The following LYST variants were observed in gnomAD, a reference collection of about 807,000 sequenced individuals.
The protein encoded by LYST is lysosomal-trafficking regulator.
In LYST, 192 loss-of-function variants were observed where a neutral mutation model predicts 413.6. The observed-to-expected ratio is 0.46, with a 90% confidence interval of 0.41 to 0.52. LYST has a LOEUF of 0.52. LYST is among the 20% of genes least tolerant of loss of function. The pLI is 0.00. For missense variants in LYST, 3,815 were observed against 4,499.9 expected, an observed-to-expected ratio of 0.85 and a Z score of 4.35; for synonymous variants, 1,525 against 1,567.3, an observed-to-expected ratio of 0.97 and a Z score of 0.64.
At chr1:235,663,242 A>G (rs1658176483) in intron 52 of LYST, among the ~76,000 whole-genome samples, 164 bp from the exon 53 acceptor site, 1 of 152,228 alleles carries the variant, frequency 6.6e-6, no homozygotes, top group Admixed American at 6.5e-5. Context: ...TGTAATTCTA[A>G]CATAGTCACT....
intron 5 of LYST, 91 bp downstream of exon 5, chr1:235,808,364 C>T: frequency 8.2e-7 from 1 of 1,214,184 alleles, no homozygotes; most frequent in Non-Finnish European, 1.2e-6. Flanking sequence ...TAAATGCATA[C>T]AATTTATCAC....
chr1:235,696,006 T>C (rs1661075196), intron 46 of LYST, among the ~76,000 whole-genome samples: 1 of 152,174 alleles, frequency 6.6e-6, no homozygotes, highest in South Asian at 2.1e-4. Flanking sequence ...GTAAATTACT[T>C]GTAAATTGCC....
intron 35 of LYST, 43 bp from the exon 36 acceptor site, chr1:235,730,986 T>C (rs776835005): frequency 1.9e-6 from 3 of 1,607,362 alleles, no homozygotes; most frequent in East Asian, 4.5e-5. Flanking sequence ...CTAATGACCA[T>C]AGTTCTCTGC....
chr1:235,727,008 T>C (rs2103188967), intron 38 of LYST, among the ~76,000 whole-genome samples: 1 of 152,344 alleles, frequency 6.6e-6, no homozygotes, highest in Non-Finnish European at 1.5e-5. Context: ...AATTGCTATA[T>C]AAATGAGAAA....
intron 1 of LYST, among the ~76,000 whole-genome samples, chr1:235,881,317 G>C (rs1342238929): frequency 6.6e-6 from 1 of 152,200 alleles, no homozygotes; most frequent in African/African-American, 2.4e-5. Flanking sequence ...GTTCTTTGCA[G>C]AGTCTTTGCT....
chr1:235,748,443 ATAGAT>A lies in LYST; in HGVS notation c.7781-1921_7781-1917del, dbSNP rs1030070819. Among the ~76,000 whole-genome samples, 120 of 152,316 alleles carry A rather than the reference ATAGAT, an allele frequency of 7.9e-4. 1 individual carries two copies. The highest frequency in any genetic ancestry group is 2.8e-3 in the African/African-American group (115 of 41,572). On this transcript the variant is annotated intron_variant, in intron 28 of 52. Transcript: ENST00000389793. Reference sequence around the variant, plus strand: ...ACAGAAGATTATCCACATCAAAATAATAGATTATTTTGTAATCATTAAAAATAAAA... The same window carrying A: ...ACAGAAGATTATCCACATCAAAATAATATTTTGTAATCATTAAAAATAAAA...
chr1:235,699,726 C>A (rs1431485423), intron 45 of LYST, among the ~76,000 whole-genome samples: 1 of 152,212 alleles, frequency 6.6e-6, no homozygotes, highest in Non-Finnish European at 1.5e-5. Flanking sequence ...TTCTCCACAG[C>A]CTCACCAGCA....
intron 1 of LYST, chr1:235,840,036 A>G (rs1272342997): frequency 6.6e-6 from 1 of 152,084 alleles, no homozygotes; most frequent in Non-Finnish European, 1.5e-5. Flanking sequence ...CTGTACTCCA[A>G]TTCTCTATAT....
At position 235,758,998 on chromosome 1, in the gene LYST, A is replaced by G. The variant is rs761261371; in HGVS notation, c.6855T>C (p.Asn2285=). 21 of 1,613,968 alleles carry G rather than the reference A, an allele frequency of 1.3e-5. No individual in the cohort carries two copies. In the African/African-American group the frequency reaches 2.7e-4, roughly 21 times the overall value. The change falls in exon 23 of 53, where the codon AAT becomes AAC. Residue 2285 remains asparagine (N), a synonymous_variant. Transcript: ENST00000389793. ...TGTGAGCACTTGCAGTTCGGTTGTA[A>G]TTTGGCTCATAACCAAGAGAATAGG... The part of the protein sequence containing the change: ...NFAYSLGYEP[N]YNRTASAHSV...
chr1:235,737,953 G>GTATCATTAAA, intron 31 of LYST: 5 of 1,258,702 alleles, frequency 4.0e-6, no homozygotes, highest in Middle Eastern at 3.2e-4. Context: ...AACACCCGCC[G>GTATCATTAAA]GACGTGCATT....
intron 46 of LYST, among the ~76,000 whole-genome samples, chr1:235,695,423 C>T (rs1039048026): frequency 1.3e-5 from 2 of 152,150 alleles, no homozygotes; most frequent in African/African-American, 2.4e-5. Flanking sequence ...TACCCAGGTT[C>T]TGACAAATTC....
At chr1:235,754,229 C>CTTTTTTTTTTTTT (rs71576486) in intron 25 of LYST, among the ~76,000 whole-genome samples, 2 of 86,570 alleles carry the variant, frequency 2.3e-5, no homozygotes, top group Non-Finnish European at 2.6e-5. Context: ...CTTTTCTTTT[C>CTTTTTTTTTTTTT]TTTTTTTTTT....
chr1:235,740,666 A>G (rs1665298612), intron 31 of LYST, among the ~76,000 whole-genome samples: 1 of 152,216 alleles, frequency 6.6e-6, no homozygotes, highest in Admixed American at 6.5e-5. Flanking sequence ...TTCTCTCTAC[A>G]GGTATAAAGA....
At chr1:235,704,035 C>T (rs950442824) in intron 44 of LYST, among the ~76,000 whole-genome samples, 1 of 152,172 alleles carries the variant, frequency 6.6e-6, no homozygotes, top group African/African-American at 2.4e-5. Context: ...CATTAGTTTG[C>T]TAAGGGTAAT....
At chr1:235,816,128 CAAAAAAAAAAAAAAAAAAAAA>C (rs59556548) in intron 3 of LYST, among the ~76,000 whole-genome samples, 2 of 11,800 alleles carry the variant, frequency 1.7e-4, no homozygotes, top group South Asian at 0.012. Flanking sequence ...GACTCCATCT[CAAAAAAAAAAAAAAAAAAAAA>C]AAAAAAAAAA....
intron 21 of LYST, among the ~76,000 whole-genome samples, chr1:235,764,053 A>G (rs1324086531): frequency 2.0e-5 from 3 of 152,092 alleles, no homozygotes; most frequent in African/African-American, 7.2e-5. Flanking sequence ...GCCTTGTTTC[A>G]TAAATTACAT....
At chr1:235,804,423 C>A in intron 7 of LYST, 81 bp downstream of exon 7, 2 of 1,071,562 alleles carry the variant, frequency 1.9e-6, no homozygotes, top group Non-Finnish European at 2.9e-6. Context: ...TAATGACATT[C>A]ATCAGCGTCC....
At chr1:235,730,087 T>C (rs1288601962) in intron 36 of LYST, among the ~76,000 whole-genome samples, 1 of 151,882 alleles carries the variant, frequency 6.6e-6, no homozygotes, top group Non-Finnish European at 1.5e-5. Context: ...GAAGGTAATT[T>C]ATCAAATACA....
At chr1:235,814,610 C>T (rs1026478640) in intron 3 of LYST, among the ~76,000 whole-genome samples, 1 of 151,958 alleles carries the variant, frequency 6.6e-6, no homozygotes, top group Non-Finnish European at 1.5e-5. Flanking sequence ...ACATGATGGC[C>T]GAAAAGCATT....
Sources: allele counts gnomAD v4.1 joint callset (sites outside exome capture counted in the v4.1 genomes callset), GRCh38; gene constraint gnomAD v4.1.1; transcripts MANE v1.5; gene names NCBI Gene and HGNC (gene_info 2026-07-23, HGNC 2026-07-21).